Variants in LMBR1 observed in about 807,000 individuals in gnomAD.
LMBR1 encodes limb region 1 protein homolog.
A neutral mutation model predicts 73.9 loss-of-function variants in LMBR1; 52 were observed. The ratio of observed to expected loss-of-function variants is 0.70; its 90% confidence interval spans 0.56 to 0.89. The LOEUF (loss-of-function observed/expected upper bound fraction) is 0.89, where lower values mean the gene tolerates loss of function less well. Among genes scored for constraint, LMBR1 ranks in the 40% least tolerant of loss-of-function variants. LMBR1 has a pLI of 0.00. For missense variants in LMBR1, 539 were observed against 579.8 expected, an observed-to-expected ratio of 0.93 and a Z score of 0.72; for synonymous variants, 215 against 209.4, an observed-to-expected ratio of 1.03 and a Z score of -0.23.
chr7:156,885,003 A>G (rs1801654050), intron 1 of LMBR1, among the ~76,000 whole-genome samples: 1 of 152,226 alleles, frequency 6.6e-6, no homozygotes, highest in Non-Finnish European at 1.5e-5. Context: ...CCCACCTCCC[A>G]TTTGGCCTAA....
chr7:156,828,907 T>C (rs1479239621), intron 3 of LMBR1, among the ~76,000 whole-genome samples: 2 of 152,232 alleles, frequency 1.3e-5, no homozygotes, highest in Non-Finnish European at 2.9e-5. Flanking sequence ...TTGCCTTTGT[T>C]AGATGCCCAG....
chr7:156,774,174 T>C (rs190386688), intron 5 of LMBR1, among the ~76,000 whole-genome samples: 1 of 152,160 alleles, frequency 6.6e-6, no homozygotes, highest in African/African-American at 2.4e-5. Context: ...CACCACCTCA[T>C]ACCAGTCAGA....
intron 1 of LMBR1, among the ~76,000 whole-genome samples, chr7:156,857,691 C>T (rs1003003420): frequency 6.6e-6 from 1 of 152,156 alleles, no homozygotes; most frequent in Non-Finnish European, 1.5e-5. Flanking sequence ...CTCACTAAGA[C>T]ATATCATATT....
At chr7:156,744,981 C>A (rs1819582126) in intron 9 of LMBR1, among the ~76,000 whole-genome samples, 1 of 152,110 alleles carries the variant, frequency 6.6e-6, no homozygotes, top group South Asian at 2.1e-4. Context: ...TCACTTATAC[C>A]AACTCTTGTG....
chr7:156,675,882 C>G, downstream of LMBR1: 1 of 1,607,582 alleles, frequency 6.2e-7, no homozygotes, highest in Non-Finnish European at 8.5e-7. Flanking sequence ...GGCTGGCAGC[C>G]TGGCAACCAG....
At chr7:156,750,432 A>G (rs1429204391) in intron 9 of LMBR1, among the ~76,000 whole-genome samples, 2 of 152,026 alleles carry the variant, frequency 1.3e-5, no homozygotes, top group Non-Finnish European at 2.9e-5. Flanking sequence ...TTGATTACTC[A>G]TATTCCATGG....
intron 1 of LMBR1, among the ~76,000 whole-genome samples, chr7:156,853,654 T>C (rs1007199366): frequency 1.2e-4 from 18 of 152,060 alleles, no homozygotes; most frequent in African/African-American, 4.3e-4. Flanking sequence ...GAATAAAGCT[T>C]TTGTTTGTTT....
intron 10 of LMBR1, among the ~76,000 whole-genome samples, chr7:156,733,383 T>C (rs949290212): frequency 6.6e-6 from 1 of 152,150 alleles, no homozygotes; most frequent in African/African-American, 2.4e-5. Context: ...AGTGTTGTCA[T>C]AACTATATTC....
chr7:156,675,834 G>A, downstream of LMBR1: 2 of 1,614,084 alleles, frequency 1.2e-6, no homozygotes, highest in Non-Finnish European at 1.7e-6. Flanking sequence ...TGAGATCACA[G>A]AAGAGGAATG....
chr7:156,829,217 C>T (rs1836235058), intron 3 of LMBR1, among the ~76,000 whole-genome samples: 1 of 152,324 alleles, frequency 6.6e-6, no homozygotes, highest in South Asian at 2.1e-4. Context: ...AGTAAAATTG[C>T]TTTACTAAGA....
chr7:156,817,797 T>G (rs1231581147), intron 4 of LMBR1, among the ~76,000 whole-genome samples: 1 of 152,216 alleles, frequency 6.6e-6, no homozygotes, highest in Non-Finnish European at 1.5e-5. Context: ...TGCAGCTACC[T>G]ACACATGTAC....
At chr7:156,798,584 G>T (rs754207685) in intron 4 of LMBR1, among the ~76,000 whole-genome samples, 1 of 152,074 alleles carries the variant, frequency 6.6e-6, no homozygotes, top group Non-Finnish European at 1.5e-5. Context: ...TAAAGTGCAT[G>T]GTCTTTGGCC....
At chr7:156,743,381 A>C (rs1171991450) in intron 9 of LMBR1, among the ~76,000 whole-genome samples, 1 of 152,204 alleles carries the variant, frequency 6.6e-6, no homozygotes, top group African/African-American at 2.4e-5. Context: ...TCTGAACCTC[A>C]GTGTTTTCAT....
chr7:156,797,928 A>T (rs911144885), intron 4 of LMBR1, among the ~76,000 whole-genome samples: 60 of 152,088 alleles, frequency 3.9e-4, no homozygotes, highest in African/African-American at 1.4e-3. Flanking sequence ...TAAAATTTTT[A>T]AAAATTTTAA....
In LMBR1 at chr7:156,683,086, T is replaced by A. The variant is rs1029097912; in HGVS notation, c.*992A>T. 1 of 152,226 alleles carries A rather than the reference T, an allele frequency of 6.6e-6. No individual in the cohort carries two copies. The highest frequency in any genetic ancestry group is 2.4e-5 in the African/African-American group (1 of 41,444). 9.4% of individuals were successfully genotyped at this position (152,226 alleles called of 1,614,324 possible). A position where few individuals can be genotyped will look rare whatever the true frequency, so the allele number is the denominator to read the frequency against. ...GAATGCTGATGCTGTGAACTTTGGATGTTAAACTGGTAAAAGCTGGAGGCT... is the reference window on the plus strand; with the variant it reads ...GAATGCTGATGCTGTGAACTTTGGAAGTTAAACTGGTAAAAGCTGGAGGCT... On this transcript the variant is annotated 3_prime_UTR_variant, in exon 17 of 17. Coordinates refer to ENST00000353442, the MANE Select transcript of LMBR1 (RefSeq NM_022458.4).
chr7:156,829,097 C>T (rs1443879661), intron 3 of LMBR1, among the ~76,000 whole-genome samples: 6 of 152,172 alleles, frequency 3.9e-5, no homozygotes, highest in Admixed American at 6.5e-5. Context: ...CCCCAGCCAA[C>T]GGGGAAAGCA....
At position 156,850,042 on chromosome 7, in the gene LMBR1, T is replaced by C. The variant is rs552382229; in HGVS notation, c.67-13157A>G. ...AAGTAATACGATTGCATTAGTGCTA[T>C]GGTTTGTGTGTTTCCCAAAGTTCAT... is the stretch of plus-strand genomic sequence containing the variant. On this transcript the variant is annotated intron_variant, in intron 1 of 16. Transcript: ENST00000353442. Among the ~76,000 whole-genome samples, 50 of 152,364 alleles carry C rather than the reference T, an allele frequency of 3.3e-4. 1 individual carries two copies. Among genetic ancestry groups the C allele is most frequent in the African/African-American group, 1.1e-3 (46 of 41,580 alleles).
chr7:156,832,595 A>G (rs1277837110), intron 3 of LMBR1, among the ~76,000 whole-genome samples: 2 of 152,222 alleles, frequency 1.3e-5, no homozygotes, highest in African/African-American at 4.8e-5. Flanking sequence ...TCCATCCACA[A>G]TGCAGCATGT....
intron 4 of LMBR1, among the ~76,000 whole-genome samples, chr7:156,803,523 G>C (rs1376211418): frequency 6.6e-6 from 1 of 152,166 alleles, no homozygotes; most frequent in African/African-American, 2.4e-5. Flanking sequence ...AGAGGATGTG[G>C]AGAAATAGGA....
Sources: gnomAD v4.1 joint callset for allele counts (sites outside exome capture counted in the v4.1 genomes callset) on GRCh38, gnomAD v4.1.1 for gene constraint, MANE v1.5 for transcripts, NCBI Gene and HGNC (gene_info 2026-07-23, HGNC 2026-07-21) for gene names.